CALN1: variants seen among roughly 807,000 people sequenced by gnomAD.
The protein encoded by CALN1 is calneuron 1, also known as calcium-binding protein 8.
In CALN1, 17 loss-of-function variants were observed where a neutral mutation model predicts 30.6. The observed-to-expected ratio is 0.56, with a 90% CI of 0.38 to 0.83. The LOEUF (loss-of-function observed/expected upper bound fraction) is 0.83. CALN1 is among the 40% of genes least tolerant of loss of function. CALN1 has a pLI of 0.00. For synonymous variants in CALN1, 156 were observed against 131.4 expected (o/e 1.19, Z -1.28); for missense variants, 291 against 354.9 (o/e 0.82, Z 1.45).
intron 2 of CALN1, among the ~76,000 whole-genome samples, chr7:72,373,966 TG>T (rs1804396752): frequency 6.6e-6 from 1 of 152,172 alleles, no homozygotes; most frequent in Admixed American, 6.5e-5. Flanking sequence ...AAAAATATTT[TG>T]AAAGTGCTGA....
chr7:72,231,437 T>C (rs1339933928), intron 3 of CALN1, among the ~76,000 whole-genome samples: 1 of 152,224 alleles, frequency 6.6e-6, no homozygotes. Context: ...TCCAGCTCCA[T>C]CCATGTCTCT....
At chr7:72,471,947 C>T in the CALN1 span, among the ~76,000 whole-genome samples, 1 of 152,078 alleles carries the variant, frequency 6.6e-6, no homozygotes, top group Non-Finnish European at 1.5e-5. Flanking sequence ...CTACAGGCAA[C>T]CAACATGACA....
At chr7:72,393,301 A>G (rs781097744) in intron 2 of CALN1, among the ~76,000 whole-genome samples, 1 of 152,028 alleles carries the variant, frequency 6.6e-6, no homozygotes, top group East Asian at 1.9e-4. Flanking sequence ...CATCTCTACT[A>G]AAAATACAAG....
intron 1 of CALN1, among the ~76,000 whole-genome samples, chr7:72,426,959 C>A (rs557432857): frequency 1.3e-5 from 2 of 152,126 alleles, no homozygotes; most frequent in African/African-American, 4.8e-5. Flanking sequence ...ATTGGCCTTC[C>A]TGCCTATTGT....
At chr7:72,012,294 G>C (rs558082768) in intron 5 of CALN1, among the ~76,000 whole-genome samples, 24 of 152,246 alleles carry the variant, frequency 1.6e-4, no homozygotes, top group Admixed American at 1.4e-3. Context: ...GAGGCAGGCG[G>C]ATCATGAGGT....
chr7:72,174,017 T>C (rs1789161579), intron 3 of CALN1, among the ~76,000 whole-genome samples: 1 of 151,894 alleles, frequency 6.6e-6, no homozygotes, highest in African/African-American at 2.4e-5. Flanking sequence ...ACTGGGAGAA[T>C]ATATTTGCAA....
the CALN1 span, among the ~76,000 whole-genome samples, chr7:72,467,417 C>T: frequency 6.6e-6 from 1 of 152,152 alleles, no homozygotes; most frequent in African/African-American, 2.4e-5. Context: ...ATGAGTGTTG[C>T]GAGCTCCCTG....
At chr7:72,383,523 G>C (rs117364429) in intron 2 of CALN1, among the ~76,000 whole-genome samples, 150 of 152,150 alleles carry the variant, frequency 9.9e-4, no homozygotes, top group Non-Finnish European at 1.6e-3. Flanking sequence ...TTTCATGTTT[G>C]TTGGCTGCCT....
At chr7:71,922,621 TTATA>T (rs1353112621) in intron 5 of CALN1, among the ~76,000 whole-genome samples, 1 of 137,170 alleles carries the variant, frequency 7.3e-6, no homozygotes, top group Non-Finnish European at 1.5e-5. Context: ...ACAGAATATA[TTATA>T]TATAAATATA....
rs542047761 is a variant in CALN1, at chr7:72,073,893, C to T, written c.388+32258G>A. Among the ~76,000 whole-genome samples the T allele has an allele frequency of 5.9e-5, 9 of 152,238 alleles. No individual in the cohort carries two copies. In the South Asian group the frequency reaches 8.3e-4, roughly 14 times the overall value. On this transcript the variant is annotated intron_variant, in intron 4 of 6. Transcript: ENST00000395275. ...ATTGTTTTCTAGAAATGAGGTCTTA[C>T]CATGTTGTCCAGGTCAGTCTTGAAT... is the stretch of plus-strand genomic sequence containing the variant.
chr7:72,281,298 T>C (rs756447652), intron 2 of CALN1, among the ~76,000 whole-genome samples: 9 of 152,096 alleles, frequency 5.9e-5, no homozygotes, highest in Non-Finnish European at 1.0e-4. Flanking sequence ...TGCAGAGATA[T>C]AAGAAACAAA....
intron 5 of CALN1, among the ~76,000 whole-genome samples, chr7:71,925,674 G>A (rs1795232557): frequency 6.6e-6 from 1 of 152,032 alleles, no homozygotes; most frequent in Non-Finnish European, 1.5e-5. Context: ...TTGCCTCTCA[G>A]CTCTGAATGC....
chr7:71,886,787 A>G (rs1792936123), intron 5 of CALN1, among the ~76,000 whole-genome samples: 1 of 151,978 alleles, frequency 6.6e-6, no homozygotes, highest in Non-Finnish European at 1.5e-5. Context: ...AAAAAAAAAA[A>G]AAAAATATTG....
In CALN1 at chr7:71,784,266, C is replaced by T. The variant is rs1409016635; in HGVS notation, c.*3509G>A. 1.3e-5 allele frequency: 2 copies of T among 152,104 alleles called. No homozygotes were observed. Among genetic ancestry groups the T allele is most frequent in the Non-Finnish European group, 2.9e-5 (2 of 68,020 alleles). The allele number at this position is 152,104 out of a possible 1,614,324, so 9.4% of individuals were successfully genotyped here. ...ATGCCAGACAAAAAGGCAGAGATACCACCCAGATTCTTTAAGGGTAATTGC... is the reference window on the plus strand; with the variant it reads ...ATGCCAGACAAAAAGGCAGAGATACTACCCAGATTCTTTAAGGGTAATTGC... On this transcript the variant is annotated 3_prime_UTR_variant, in exon 7 of 7. Coordinates refer to ENST00000395275, the MANE Select transcript of CALN1 (RefSeq NM_031468.4).
At chr7:72,086,971 T>C (rs1224825089) in intron 4 of CALN1, among the ~76,000 whole-genome samples, 3 of 152,018 alleles carry the variant, frequency 2.0e-5, no homozygotes, top group African/African-American at 7.2e-5. Flanking sequence ...ATTATCTCAA[T>C]AGACGTCAAA....
intron 5 of CALN1, among the ~76,000 whole-genome samples, chr7:71,930,901 T>C (rs968814735): frequency 2.6e-5 from 4 of 152,230 alleles, no homozygotes; most frequent in African/African-American, 9.6e-5. Context: ...CTTCTCTGAC[T>C]TCTTTGTCTA....
At chr7:72,421,220 A>C (rs1251089735) in intron 1 of CALN1, among the ~76,000 whole-genome samples, 1 of 152,112 alleles carries the variant, frequency 6.6e-6, no homozygotes, top group Non-Finnish European at 1.5e-5. Flanking sequence ...TGCACCCATC[A>C]CATACTGTAC....
chr7:72,226,561 C>T (rs533929718), intron 3 of CALN1, among the ~76,000 whole-genome samples: 13 of 152,320 alleles, frequency 8.5e-5, no homozygotes, highest in South Asian at 2.1e-4. Flanking sequence ...GGTCAGCTTT[C>T]GCTATCCCAG....
intron 4 of CALN1, among the ~76,000 whole-genome samples, chr7:72,100,525 G>C (rs971069198): frequency 2.6e-5 from 4 of 152,122 alleles, no homozygotes; most frequent in East Asian, 1.9e-4. Flanking sequence ...ACAATTATAA[G>C]AATAACTTCT....
Sources: gnomAD v4.1 joint callset for allele counts (sites outside exome capture counted in the v4.1 genomes callset) on GRCh38, gnomAD v4.1.1 for gene constraint, MANE v1.5 for transcripts, NCBI Gene and HGNC (gene_info 2026-07-23, HGNC 2026-07-21) for gene names.